CPA5: variants seen among roughly 807,000 people sequenced by gnomAD.
The protein encoded by CPA5 is carboxypeptidase A5.
In CPA5, 38 loss-of-function variants were observed where a neutral mutation model predicts 52.2. The observed-to-expected ratio is 0.73, with a 90% CI of 0.56 to 0.95. CPA5 has a LOEUF of 0.95. Ranked by LOEUF, CPA5 falls within the 40% of genes least tolerant of loss-of-function variation. CPA5 has a pLI of 0.00. For missense variants in CPA5, 519 were observed against 566.7 expected (o/e 0.92, Z 0.86); for synonymous variants, 198 against 213.7 (o/e 0.93, Z 0.64).
intron 3 of CPA5, 39 bp downstream of exon 3, chr7:130,346,640 G>A (rs1554402288): frequency 6.5e-7 from 1 of 1,545,660 alleles, no homozygotes; most frequent in Non-Finnish European, 8.9e-7. Flanking sequence ...GGACTGGCTG[G>A]GAGGAGGGGA....
At chr7:130,358,756 C>T (rs1172762065) in intron 5 of CPA5, among the ~76,000 whole-genome samples, 3 of 152,194 alleles carry the variant, frequency 2.0e-5, no homozygotes, top group South Asian at 2.1e-4. Flanking sequence ...ACTAGCTCAT[C>T]TCACTGTGAC....
chr7:130,355,447 C>T (rs1216499041), intron 5 of CPA5, among the ~76,000 whole-genome samples: 1 of 152,156 alleles, frequency 6.6e-6, no homozygotes, highest in Non-Finnish European at 1.5e-5. Flanking sequence ...TGCTCTGTCG[C>T]CCAGGCTGGA....
intron 5 of CPA5, among the ~76,000 whole-genome samples, chr7:130,351,468 C>A (rs1224829246): frequency 6.6e-6 from 1 of 152,236 alleles, no homozygotes; most frequent in Non-Finnish European, 1.5e-5. Context: ...GTCCTCTCCC[C>A]ACATCCGCAG....
downstream of CPA5, among the ~76,000 whole-genome samples, chr7:130,371,987 A>G (rs1796299814): frequency 6.6e-6 from 1 of 152,064 alleles, no homozygotes; most frequent in Non-Finnish European, 1.5e-5. Context: ...CAGTTCCCTC[A>G]ACACCAATGT....
At chr7:130,361,762 G>T (rs188446797) in intron 7 of CPA5, among the ~76,000 whole-genome samples, 9 of 152,342 alleles carry the variant, frequency 5.9e-5, no homozygotes, top group African/African-American at 2.2e-4. Context: ...AGTAGGAGAT[G>T]TGAATGCAGA....
At chr7:130,355,414 T>C (rs149903070) in intron 5 of CPA5, among the ~76,000 whole-genome samples, 358 of 152,232 alleles carry the variant, frequency 2.4e-3, no homozygotes, top group Admixed American at 6.6e-3. Context: ...TGTGTGTGTG[T>C]GTGTGTTTGT....
At chr7:130,351,882 G>A (rs1461244990) in intron 5 of CPA5, among the ~76,000 whole-genome samples, 1 of 152,150 alleles carries the variant, frequency 6.6e-6, no homozygotes, top group Admixed American at 6.5e-5. Context: ...TCTGCTGAAT[G>A]ACTTGCTCGG....
At position 130,359,680 on chromosome 7, in the gene CPA5, T is replaced by C. The variant is rs1554406101; in HGVS notation, c.425T>C (p.Leu142Pro). 1.3e-6 allele frequency: 2 copies of C among 1,581,960 alleles called. No homozygotes were observed. Among genetic ancestry groups the C allele is most frequent in the East Asian group, 2.3e-5 (1 of 43,796 alleles). ...NSFSYSSYHT[L>P]EEIYSWIDNF... The stretch of plus-strand genomic sequence containing the variant: ...TTCAGTTACTCATCATACCACACCC[T>C]GGAGGAGGTAGGTCTGGCCGGGCAA... Residue 142 changes from leucine (L) to proline (P), a missense_variant, in exon 6 of 13, where the codon CTG (leucine) becomes CCG (proline). Coordinates refer to ENST00000474905, the MANE Select transcript of CPA5 (RefSeq NM_080385.5).
At chr7:130,374,395 C>G in the CPA5 span, among the ~76,000 whole-genome samples, 1 of 152,104 alleles carries the variant, frequency 6.6e-6, no homozygotes, top group Non-Finnish European at 1.5e-5. Context: ...TTACCAGGCT[C>G]TTGCTCTGGG....
Sources: gnomAD v4.1 joint callset for allele counts (sites outside exome capture counted in the v4.1 genomes callset) on GRCh38, gnomAD v4.1.1 for gene constraint, MANE v1.5 for transcripts, NCBI Gene and HGNC (gene_info 2026-07-23, HGNC 2026-07-21) for gene names.